TBC1D32: variants seen among roughly 807,000 people sequenced by gnomAD.
The protein encoded by TBC1D32 is TBC1 domain family member 32.
In TBC1D32, 151 loss-of-function variants were observed where a neutral mutation model predicts 170.3. That is an observed-to-expected ratio of 0.89 (90% CI 0.78 to 1.01). TBC1D32 has a LOEUF of 1.01. Ranked by LOEUF, TBC1D32 falls within the 50% of genes least tolerant of loss-of-function variation. The pLI is 0.00. For missense variants in TBC1D32, 1,464 were observed against 1,457.1 expected, an observed-to-expected ratio of 1.00 and a Z score of -0.08; for synonymous variants, 498 against 488.0, an observed-to-expected ratio of 1.02 and a Z score of -0.27.
chr6:121,170,193 A>G (rs1331812960), intron 22 of TBC1D32, among the ~76,000 whole-genome samples: 1 of 151,870 alleles, frequency 6.6e-6, no homozygotes, highest in Admixed American at 6.6e-5. Context: ...AAAGCAACAG[A>G]CTTGAAAGTA....
At chr6:121,170,916 G>A (rs962972652) in intron 22 of TBC1D32, among the ~76,000 whole-genome samples, 38 of 151,916 alleles carry the variant, frequency 2.5e-4, no homozygotes, top group Non-Finnish European at 4.7e-4. Context: ...TCATCATTTT[G>A]CTGCCAATCT....
intron 15 of TBC1D32, among the ~76,000 whole-genome samples, chr6:121,268,121 GA>G (rs1381878030): frequency 1.5e-4 from 22 of 151,710 alleles, no homozygotes; most frequent in African/African-American, 5.3e-4. Context: ...CATCATAAAA[GA>G]AAAAAGGTAG....
chr6:121,255,381 A>C lies in TBC1D32; in HGVS notation c.1965T>G (p.Thr655=), dbSNP rs2128393810. The change falls in exon 17 of 32, where the codon ACT becomes ACG. Residue 655 remains threonine (T), a synonymous_variant. Coordinates refer to ENST00000398212, the MANE Select transcript of TBC1D32 (RefSeq NM_152730.6). ...AAACAGAATCAGAACCCTCTACTGG[A>C]GTAGGAATTCTTTCTGATAGCAAAC... ...KTSLLSERIP[T]PVEGSDSVSS... is the part of the protein sequence containing the mutation. The C allele has an allele frequency of 2.0e-6, 3 of 1,516,500 alleles. No individual in the cohort carries two copies. The highest frequency in any genetic ancestry group is 3.3e-5 in the African/African-American group (2 of 60,202). 93.9% of individuals were successfully genotyped at this position (1,516,500 alleles called of 1,614,324 possible). A position where few individuals can be genotyped will look rare whatever the true frequency, so the allele number is the denominator to read the frequency against.
At chr6:121,252,439 A>T (rs780965437) in intron 17 of TBC1D32, among the ~76,000 whole-genome samples, 12 of 152,208 alleles carry the variant, frequency 7.9e-5, no homozygotes, top group African/African-American at 1.2e-4. Flanking sequence ...TGAAGCTGGA[A>T]ACCATCATTC....
At chr6:121,321,082 T>G (rs989939557) in intron 2 of TBC1D32, among the ~76,000 whole-genome samples, 1 of 152,204 alleles carries the variant, frequency 6.6e-6, no homozygotes, top group Non-Finnish European at 1.5e-5. Flanking sequence ...CTTAAACATA[T>G]ATATAGCTCA....
intron 21 of TBC1D32, among the ~76,000 whole-genome samples, chr6:121,219,455 C>T (rs1283248260): frequency 1.3e-5 from 2 of 152,150 alleles, no homozygotes; most frequent in African/African-American, 4.8e-5. Context: ...CACAGAGATA[C>T]ATGAAAACTT....
chr6:121,080,634 T>C lies in TBC1D32; in HGVS notation c.*137A>G, dbSNP rs1275887673. On this transcript the variant is annotated 3_prime_UTR_variant, in exon 32 of 32. Coordinates refer to ENST00000398212, the MANE Select transcript of TBC1D32 (RefSeq NM_152730.6). ...CAAATTGAGCTCATACCTACTTAAA[T>C]ATATCGTTATACTTCTCAGTATTTA... The C allele has an allele frequency of 1.5e-5, 17 of 1,129,182 alleles. No homozygotes were observed. The East Asian group carries it at 1.9e-4, about 13-fold the overall frequency. The allele number at this position is 1,129,182 out of a possible 1,614,324, so 69.9% of individuals were successfully genotyped here.
chr6:121,285,175 A>G (rs1803603217), intron 12 of TBC1D32, among the ~76,000 whole-genome samples: 1 of 152,174 alleles, frequency 6.6e-6, no homozygotes. Context: ...CCACAAAACC[A>G]TGCCCAGATT....
chr6:121,197,956 A>G (rs926894423), intron 22 of TBC1D32, among the ~76,000 whole-genome samples: 8 of 151,866 alleles, frequency 5.3e-5, no homozygotes, highest in African/African-American at 1.9e-4. Flanking sequence ...AGGCAGAAAA[A>G]CATGAAAAGG....
chr6:121,295,707 G>A (rs1417326173), intron 10 of TBC1D32, among the ~76,000 whole-genome samples: 1 of 152,024 alleles, frequency 6.6e-6, no homozygotes, highest in Admixed American at 6.6e-5. Context: ...GATTAATTAA[G>A]CTTTAGATAG....
At chr6:121,107,311 T>C (rs950400532) in intron 29 of TBC1D32, among the ~76,000 whole-genome samples, 1 of 151,942 alleles carries the variant, frequency 6.6e-6, no homozygotes, top group African/African-American at 2.4e-5. Flanking sequence ...AGCAAGTTGA[T>C]TTACAGTGGT....
chr6:121,253,077 A>G (rs527319407), intron 17 of TBC1D32, among the ~76,000 whole-genome samples: 133 of 152,206 alleles, frequency 8.7e-4, no homozygotes, highest in Non-Finnish European at 1.5e-3. Context: ...CCTCAAAAGC[A>G]ATTGCAACAA....
Position 121,080,350 on chromosome 6 carries a change from A to T in TBC1D32, c.*421T>A. The T allele has an allele frequency of 3.0e-6, 1 of 329,136 alleles. No homozygotes were observed. The highest frequency in any genetic ancestry group is 6.3e-6 in the Non-Finnish European group (1 of 158,212). 20.4% of individuals were successfully genotyped at this position (329,136 alleles called of 1,614,324 possible). On this transcript the variant is annotated 3_prime_UTR_variant, in exon 32 of 32. Coordinates refer to ENST00000398212, the MANE Select transcript of TBC1D32 (RefSeq NM_152730.6). ...CTCCTGCCTCAGCCTCCCAAGTAGCAGGGACTACAGGCGCATCACTGCACC... is the reference window on the plus strand; with the variant it reads ...CTCCTGCCTCAGCCTCCCAAGTAGCTGGGACTACAGGCGCATCACTGCACC...
Position 121,205,105 on chromosome 6 carries a change from T to C in TBC1D32, c.2540A>G (p.Asn847Ser). The stretch of plus-strand genomic sequence containing the variant: ...ACCAAAGATATGTGATTGTTCATAG[T>C]TGAATAAAGAACGAATCTTAGCTTC... Reference protein sequence around the residue: ...NSEAKIRSLFNYEQSHIFGLR... With the variant: ...NSEAKIRSLFSYEQSHIFGLR... The change falls in exon 22 of 32, where the codon AAC (asparagine) becomes AGC (serine). Residue 847 changes from asparagine to serine, a missense_variant. Around this residue, in one of 3 missense-constraint regions of TBC1D32, gnomAD observed 1,363 missense variants for 1,338.1 expected, o/e 1.02. Coordinates refer to ENST00000398212, the MANE Select transcript of TBC1D32 (RefSeq NM_152730.6). 1.3e-6 allele frequency: 2 copies of C among 1,533,218 alleles called. No homozygotes were observed. The highest frequency in any genetic ancestry group is 1.4e-5 in the African/African-American group (1 of 71,322). 95.0% of individuals were successfully genotyped at this position (1,533,218 alleles called of 1,614,324 possible). A position where few individuals can be genotyped will look rare whatever the true frequency, so the allele number is the denominator to read the frequency against.
intron 20 of TBC1D32, among the ~76,000 whole-genome samples, chr6:121,226,534 A>G (rs1218956991): frequency 6.6e-6 from 1 of 152,186 alleles, no homozygotes; most frequent in East Asian, 1.9e-4. Flanking sequence ...TGGAGGGCAG[A>G]CAATATAAAG....
At chr6:121,206,237 G>A (rs2128305868) in intron 21 of TBC1D32, among the ~76,000 whole-genome samples, 1 of 150,620 alleles carries the variant, frequency 6.6e-6, no homozygotes, top group Non-Finnish European at 1.5e-5. Flanking sequence ...AAAAAAGGAA[G>A]GCTTTCTTTC....
At chr6:121,085,350 C>T (rs201112599) in intron 31 of TBC1D32, among the ~76,000 whole-genome samples, 1 of 108,170 alleles carries the variant, frequency 9.2e-6, no homozygotes, top group South Asian at 2.6e-4. Flanking sequence ...TATATACATA[C>T]ATATATATAC....
intron 21 of TBC1D32, among the ~76,000 whole-genome samples, chr6:121,218,844 T>A (rs893924647): frequency 6.6e-6 from 1 of 152,058 alleles, no homozygotes; most frequent in African/African-American, 2.4e-5. Flanking sequence ...TATAAGGGAT[T>A]TTTCCCCCTT....
chr6:121,191,968 G>A (rs1351451370), intron 22 of TBC1D32, among the ~76,000 whole-genome samples: 1 of 151,634 alleles, frequency 6.6e-6, no homozygotes, highest in Non-Finnish European at 1.5e-5. Context: ...AAGTTCTTCA[G>A]TTTTCAGACT....
Sources: gnomAD v4.1 joint callset for allele counts (sites outside exome capture counted in the v4.1 genomes callset) on GRCh38, gnomAD v4.1.1 for gene constraint, gnomAD v4.1.1 regional missense constraint, MANE v1.5 for transcripts, NCBI Gene and HGNC (gene_info 2026-07-23, HGNC 2026-07-21) for gene names.